Variants in TOMM34 observed in about 807,000 individuals in gnomAD.
TOMM34 encodes translocase of outer mitochondrial membrane 34.
Under a neutral mutation model 37.4 loss-of-function variants are expected in TOMM34, and 24 were observed. The observed-to-expected ratio is 0.64, with a 90% CI of 0.46 to 0.90. The LOEUF (loss-of-function observed/expected upper bound fraction) is 0.90, where lower values mean the gene tolerates loss of function less well. Among genes scored for constraint, TOMM34 ranks in the 40% least tolerant of loss-of-function variants. TOMM34 has a pLI of 0.00. For missense variants in TOMM34, 304 were observed against 375.6 expected (o/e 0.81, Z 1.58); for synonymous variants, 154 against 148.9 (o/e 1.03, Z -0.25).
At chr20:44,953,209 T>C (rs904507649) in intron 3 of TOMM34, among the ~76,000 whole-genome samples, 4 of 152,154 alleles carry the variant, frequency 2.6e-5, no homozygotes, top group Non-Finnish European at 5.9e-5. Flanking sequence ...TGGACACCCC[T>C]TGCCATCACA....
At position 44,956,446 on chromosome 20, in the gene TOMM34, T is replaced by G. The variant is rs766619218; in HGVS notation, c.167A>C (p.Asn56Thr). 9.9e-6 allele frequency: 16 copies of G among 1,614,056 alleles called. No individual in the cohort carries two copies. Among genetic ancestry groups the G allele is most frequent in the Non-Finnish European group, 1.4e-5 (16 of 1,180,038 alleles). ...DPEEESVLYSNRAACHLKDGN... is the reference protein window; with the variant it reads ...DPEEESVLYSTRAACHLKDGN... ...ATCCTTCAAGTGACATGCTGCTCGG[T>G]TGGAGTAGAGAACACTTTCTTCTTC... is the stretch of plus-strand genomic sequence containing the variant. Residue 56 changes from asparagine to threonine, a missense_variant, in exon 2 of 7, where the codon AAC (asparagine) becomes ACC (threonine). Coordinates refer to ENST00000372813, the MANE Select transcript of TOMM34 (RefSeq NM_006809.5).
intron 3 of TOMM34, among the ~76,000 whole-genome samples, chr20:44,954,305 G>A (rs575963367): frequency 6.6e-6 from 1 of 152,332 alleles, no homozygotes; most frequent in South Asian, 2.1e-4. Context: ...ACGGCAGGAA[G>A]AGGTATGTCT....
At chr20:44,957,258 G>A (rs943758684) in intron 1 of TOMM34, among the ~76,000 whole-genome samples, 13 of 152,090 alleles carry the variant, frequency 8.5e-5, no homozygotes, top group East Asian at 3.9e-4. Flanking sequence ...AGCGATCTCC[G>A]CTCACTGCAA....
At chr20:44,949,835 C>A (rs1371583848) in intron 4 of TOMM34, among the ~76,000 whole-genome samples, 2 of 152,208 alleles carry the variant, frequency 1.3e-5, no homozygotes, top group Non-Finnish European at 2.9e-5. Flanking sequence ...CTATATACAA[C>A]AGTACCCACA....
chr20:44,949,841 C>A (rs2067011490), intron 4 of TOMM34, among the ~76,000 whole-genome samples: 1 of 152,122 alleles, frequency 6.6e-6, no homozygotes, highest in African/African-American at 2.4e-5. Flanking sequence ...ACAACAGTAC[C>A]CACAGATCAT....
At chr20:44,957,081 G>T (rs1407013633) in intron 1 of TOMM34, among the ~76,000 whole-genome samples, 1 of 152,178 alleles carries the variant, frequency 6.6e-6, no homozygotes, top group African/African-American at 2.4e-5. Flanking sequence ...TCAGGAAAAA[G>T]TCTTAAGCTA....
chr20:44,955,459 T>G, intron 2 of TOMM34: 1 of 632,730 alleles, frequency 1.6e-6, no homozygotes, highest in Non-Finnish European at 2.9e-6. Flanking sequence ...CATGCATCAA[T>G]TTTCATAGTT....
intron 3 of TOMM34, chr20:44,952,771 T>C (rs2067037305): frequency 1.4e-6 from 1 of 693,684 alleles, no homozygotes; most frequent in Non-Finnish European, 2.7e-6. Context: ...ATGCTAACTG[T>C]ATACTTTTTC....
chr20:44,953,108 C>T (rs1245209160), intron 3 of TOMM34, among the ~76,000 whole-genome samples: 1 of 152,152 alleles, frequency 6.6e-6, no homozygotes, highest in Non-Finnish European at 1.5e-5. Context: ...GCAGCACCTC[C>T]CTCTCCCACA....
chr20:44,959,283 A>G (rs115355094), intron 1 of TOMM34, among the ~76,000 whole-genome samples: 119 of 152,322 alleles, frequency 7.8e-4, no homozygotes, highest in African/African-American at 2.8e-3. Context: ...GCTCCTTTCA[A>G]AAGTCAAGGC....
rs986247205 is a variant in TOMM34, at chr20:44,959,356, G to A, written c.127+851C>T. On this transcript the variant is annotated intron_variant, in intron 1 of 6. Transcript: ENST00000372813. The stretch of plus-strand genomic sequence containing the variant: ...GAAGGGGCTTTGGGCAAAGGTCTGC[G>A]GTATGCTGACGAAAGCTGGACGCTG... Among the ~76,000 whole-genome samples the A allele has an allele frequency of 3.9e-5, 6 of 152,258 alleles. No homozygotes were observed. In the East Asian group the frequency reaches 1.2e-3, roughly 29 times the overall value.
At chr20:44,948,709 C>A in intron 5 of TOMM34, 21 bp downstream of exon 5, 1 of 1,613,252 alleles carries the variant, frequency 6.2e-7, no homozygotes, top group Non-Finnish European at 8.5e-7. Flanking sequence ...TGCCCCAGGC[C>A]AGCAGCTGTA....
intron 3 of TOMM34, chr20:44,952,743 G>A: frequency 2.8e-6 from 2 of 713,334 alleles, no homozygotes; most frequent in Non-Finnish European, 5.2e-6. Flanking sequence ...AATCAGTTAT[G>A]TGTTGAATGA....
intron 2 of TOMM34, among the ~76,000 whole-genome samples, chr20:44,955,998 A>T (rs188870930): frequency 6.6e-6 from 1 of 152,278 alleles, no homozygotes; most frequent in East Asian, 1.9e-4. Context: ...GAGACAATCT[A>T]TTAACCTCTA....
intron 1 of TOMM34, among the ~76,000 whole-genome samples, chr20:44,956,689 G>A (rs543323493): frequency 3.9e-5 from 6 of 152,258 alleles, no homozygotes; most frequent in Admixed American, 2.0e-4. Flanking sequence ...GCCATTCAAA[G>A]GGAACCAAGT....
chr20:44,951,581 A>G (rs985436894), intron 4 of TOMM34, among the ~76,000 whole-genome samples: 1 of 152,190 alleles, frequency 6.6e-6, no homozygotes, highest in Admixed American at 6.5e-5. Context: ...CTGCATGCCT[A>G]TGTGCCAGGC....
intron 4 of TOMM34, among the ~76,000 whole-genome samples, chr20:44,950,480 C>G (rs999119666): frequency 3.9e-5 from 6 of 152,312 alleles, no homozygotes; most frequent in Admixed American, 3.3e-4. Flanking sequence ...CCCTGAGGGC[C>G]AAGACTGTCC....
chr20:44,942,966 G>C lies in TOMM34; in HGVS notation c.*143C>G. 1 of 698,302 alleles carries C rather than the reference G, an allele frequency of 1.4e-6. No individual in the cohort carries two copies. The highest frequency in any genetic ancestry group is 4.1e-4 in the Middle Eastern group (1 of 2,462). The allele number at this position is 698,302 out of a possible 1,614,324, so 43.3% of individuals were successfully genotyped here. A position where few individuals can be genotyped will look rare whatever the true frequency, so the allele number is the denominator to read the frequency against. On this transcript the variant is annotated 3_prime_UTR_variant, in exon 7 of 7. Transcript: ENST00000372813. ...ATTTGAACAAGCAAAGCCTCTTACA[G>C]GGTGGGAGGCCATCAAGGGATTGAG...
intron 5 of TOMM34, among the ~76,000 whole-genome samples, chr20:44,947,282 A>G (rs1027172196): frequency 3.3e-5 from 5 of 152,196 alleles, no homozygotes; most frequent in African/African-American, 1.2e-4. Context: ...ATTCCAAAAT[A>G]TAAGCTTTAA....
Sources: gnomAD v4.1 joint callset for allele counts (sites outside exome capture counted in the v4.1 genomes callset) on GRCh38, gnomAD v4.1.1 for gene constraint, MANE v1.5 for transcripts, NCBI Gene and HGNC (gene_info 2026-07-23, HGNC 2026-07-21) for gene names.